Variants in ACAN observed in about 807,000 individuals in gnomAD.
ACAN encodes aggrecan.
A neutral mutation model predicts 169.1 loss-of-function variants in ACAN; 47 were observed. That is an observed-to-expected ratio of 0.28 (90% CI 0.22 to 0.35). The LOEUF is 0.35. ACAN is among the 10% of genes least tolerant of loss of function. ACAN has a pLI of 1.00. For missense variants in ACAN, 2,716 were observed against 2,759.9 expected, an observed-to-expected ratio of 0.98 and a Z score of 0.36; for synonymous variants, 1,115 against 1,112.2, an observed-to-expected ratio of 1.00 and a Z score of -0.05.
chr15:88,836,999 G>C (rs1896520934), intron 2 of ACAN, among the ~76,000 whole-genome samples: 1 of 152,220 alleles, frequency 6.6e-6, no homozygotes, highest in South Asian at 2.1e-4. Flanking sequence ...CAATGTGTCT[G>C]CCCAAATCTG....
At chr15:88,819,257 G>A (rs1896016046) in intron 1 of ACAN, among the ~76,000 whole-genome samples, 1 of 152,194 alleles carries the variant, frequency 6.6e-6, no homozygotes, top group African/African-American at 2.4e-5. Flanking sequence ...GCTCTTCAGT[G>A]ACTGCTCTGG....
At chr15:88,819,461 T>C (rs1896020524) in intron 1 of ACAN, among the ~76,000 whole-genome samples, 1 of 152,070 alleles carries the variant, frequency 6.6e-6, no homozygotes, top group Non-Finnish European at 1.5e-5. Context: ...GAATCCATGA[T>C]TTAAATGAAA....
In ACAN at chr15:88,838,520, G is replaced by A; in HGVS notation, c.71-143G>A. ...TTCTGGGAATTCCCACATGACACGG[G>A]AGCATCCCCATCATAGAGACAGACA... On this transcript the variant is annotated intron_variant, in intron 2 of 18. Transcript: ENST00000560601. This position sits in a 1 kb window ranked among gnomAD's most constrained non-coding sequence, Gnocchi z 5.1. 5.7e-6 allele frequency: 6 copies of A among 1,061,534 alleles called. No homozygotes were observed. Among genetic ancestry groups the A allele is most frequent in the Non-Finnish European group, 8.1e-6 (6 of 736,756 alleles). The allele number at this position is 1,061,534 out of a possible 1,614,324, so 65.8% of individuals were successfully genotyped here.
Position 88,856,973 on chromosome 15 carries a change from C to A in ACAN, c.4388C>A (p.Ala1463Glu). Residue 1463 changes from alanine (A) to glutamate (E), a missense_variant, in exon 12 of 19, where the codon GCG becomes GAG. By Grantham distance (107) the Ala-to-Glu change is moderately radical (BLOSUM62 -1). Around this residue, in one of 3 missense-constraint regions of ACAN, gnomAD observed 1,389 missense variants for 1,363.7 expected, o/e 1.02. Transcript: ENST00000560601. ...GAAGTTCTAGAGACTTCTACCTCTGCGGTAGGGGACCTCAGTGGACTTCCT... is the reference window on the plus strand; with the variant it reads ...GAAGTTCTAGAGACTTCTACCTCTGAGGTAGGGGACCTCAGTGGACTTCCT... Reference protein sequence around the residue: ...SGEVLETSTSAVGDLSGLPSG... With the variant: ...SGEVLETSTSEVGDLSGLPSG... 1 of 1,611,370 alleles carries A rather than the reference C, an allele frequency of 6.2e-7. No homozygotes were observed. Among genetic ancestry groups the A allele is most frequent in the Non-Finnish European group, 8.5e-7 (1 of 1,178,994 alleles).
intron 1 of ACAN, among the ~76,000 whole-genome samples, chr15:88,835,433 G>C (rs1175779051): frequency 6.6e-6 from 1 of 152,088 alleles, no homozygotes; most frequent in Non-Finnish European, 1.5e-5. Context: ...GAGAGACAGA[G>C]AGAGAGAGAA....
intron 11 of ACAN, among the ~76,000 whole-genome samples, chr15:88,853,850 T>TG (rs1394099570): frequency 6.6e-6 from 1 of 151,536 alleles, no homozygotes; most frequent in African/African-American, 2.4e-5. Flanking sequence ...GCTAACTTTT[T>TG]TTTTTTTTTC....
rs1330795271 is a variant in ACAN, at chr15:88,871,970, G to T, written c.7220-33G>T. On this transcript the variant is annotated intron_variant, in intron 15 of 18. Transcript: ENST00000560601. This position sits in a 1 kb window ranked among gnomAD's most constrained non-coding sequence, Gnocchi z 7.8. The stretch of plus-strand genomic sequence containing the variant: ...TTCTCAGACACCCTCAGGGTGTCCA[G>T]TGTGATGCCTGACACCCTCACCCTT... The T allele has an allele frequency of 1.6e-5, 25 of 1,586,588 alleles. No individual in the cohort carries two copies. The highest frequency in any genetic ancestry group is 2.0e-5 in the Non-Finnish European group (23 of 1,154,720).
chr15:88,838,588 A>G lies in ACAN; in HGVS notation c.71-75A>G. The G allele has an allele frequency of 6.7e-7, 1 of 1,494,370 alleles. No individual in the cohort carries two copies. Among genetic ancestry groups the G allele is most frequent in the African/African-American group, 1.4e-5 (1 of 71,518 alleles). 92.6% of individuals were successfully genotyped at this position (1,494,370 alleles called of 1,614,324 possible). ...TCTCTCAGGAGAGTGCATTGCTGGA[A>G]GGATGGATGGGGAGGCGGGGTGGTC... On this transcript the variant is annotated intron_variant, in intron 2 of 18. Coordinates refer to ENST00000560601, the MANE Select transcript of ACAN (RefSeq NM_001369268.1). This position sits in a 1 kb window ranked among gnomAD's most constrained non-coding sequence, Gnocchi z 5.1.
Position 88,868,269 on chromosome 15 carries a change from G to A in ACAN, c.7000G>A (p.Ala2334Thr). The A allele has an allele frequency of 1.4e-6, 1 of 702,822 alleles. No homozygotes were observed. Among genetic ancestry groups the A allele is most frequent in the Non-Finnish European group, 2.6e-6 (1 of 384,842 alleles). The allele number at this position is 702,822 out of a possible 1,614,324, so 43.5% of individuals were successfully genotyped here. A position where few individuals can be genotyped will look rare whatever the true frequency, so the allele number is the denominator to read the frequency against. Residue 2334 changes from alanine to threonine, a missense_variant, in exon 14 of 19, where the codon GCC becomes ACC. This residue lies in a region of ACAN where 1,389 missense variants were observed against 1,363.7 expected (regional missense o/e 1.02). Coordinates refer to ENST00000560601, the MANE Select transcript of ACAN (RefSeq NM_001369268.1). This position sits in a 1 kb window ranked among gnomAD's most constrained non-coding sequence, Gnocchi z 5.2. ...TCTGAATGGAGCCACCTGCGTGGATGCCATCGACTCTTTCACATGCTTATG... is the reference window on the plus strand; with the variant it reads ...TCTGAATGGAGCCACCTGCGTGGATACCATCGACTCTTTCACATGCTTATG... ...PCLNGATCVD[A>T]IDSFTCLCLP...
chr15:88,848,109 C>T, intron 9 of ACAN, 71 bp downstream of exon 9: 2 of 1,575,508 alleles, frequency 1.3e-6, no homozygotes, highest in South Asian at 2.3e-5. Context: ...CAGGGCGATA[C>T]AAAGAAGAGA....
chr15:88,838,686 A>C lies in ACAN; in HGVS notation c.94A>C (p.Ser32Arg). 2 of 1,592,266 alleles carry C rather than the reference A, an allele frequency of 1.3e-6. No individual in the cohort carries two copies. The highest frequency in any genetic ancestry group is 1.7e-6 in the Non-Finnish European group (2 of 1,167,800). ...TSDHDNSLSV[S>R]IPQPSPLRVL... is the part of the protein sequence containing the mutation. ...AGACCATGACAACTCGCTGAGTGTC[A>C]GCATCCCCCAACCGTCCCCGCTGAG... The change falls in exon 3 of 19, where the codon AGC (serine) becomes CGC (arginine). Residue 32 changes from serine (S) to arginine (R), a missense_variant. Ser to Arg is a moderately radical substitution (Grantham distance 110). Around this residue, in one of 3 missense-constraint regions of ACAN, gnomAD observed 1,283 missense variants for 1,281.5 expected, o/e 1.00. Transcript: ENST00000560601. This position sits in a 1 kb window ranked among gnomAD's most constrained non-coding sequence, Gnocchi z 5.1.
At chr15:88,836,328 G>C in intron 2 of ACAN, 52 bp downstream of exon 2, 1 of 1,485,386 alleles carries the variant, frequency 6.7e-7, no homozygotes, top group Non-Finnish European at 9.4e-7. Flanking sequence ...TGAGTAGTGG[G>C]TTTGAGTACT....
intron 4 of ACAN, among the ~76,000 whole-genome samples, chr15:88,840,524 T>C (rs1944087877): frequency 6.6e-6 from 1 of 152,228 alleles, no homozygotes; most frequent in African/African-American, 2.4e-5. Context: ...ACTTCCATCC[T>C]TTTTGTTTTT....
At chr15:88,860,072 C>CTTTTTTTTTTGTTTTTT (rs1897161556) in intron 12 of ACAN, among the ~76,000 whole-genome samples, 1 of 102,900 alleles carries the variant, frequency 9.7e-6, no homozygotes, top group African/African-American at 4.7e-5. Context: ...GCTGATTTTC[C>CTTTTTTTTTTGTTTTTT]TTTTTTTTTT....
intron 1 of ACAN, among the ~76,000 whole-genome samples, chr15:88,829,670 T>C (rs539467583): frequency 5.9e-5 from 9 of 152,270 alleles, no homozygotes; most frequent in African/African-American, 2.2e-4. Context: ...ACTACAGGAA[T>C]GGGGCACCTT....
Position 88,869,266 on chromosome 15 carries a change from T to TA in ACAN, c.7060+937_7060+938insA, listed in dbSNP as rs1472004738. On this transcript the variant is annotated intron_variant, in intron 14 of 18. Coordinates refer to ENST00000560601, the MANE Select transcript of ACAN (RefSeq NM_001369268.1). The surrounding 1 kb of genome is among the most constrained non-coding windows in gnomAD (Gnocchi z 4.2). ...AGTGTGTAGGGGCTTAAAATCCTTT[T>TA]CAATGAACTCTCAAGTTGGATACCC... Among the ~76,000 whole-genome samples the TA allele has an allele frequency of 6.6e-6, 1 of 152,134 alleles. No individual in the cohort carries two copies. The highest frequency in any genetic ancestry group is 3.2e-3 in the Middle Eastern group (1 of 316).
chr15:88,852,196 G>T (rs768664918), intron 11 of ACAN, among the ~76,000 whole-genome samples, 163 bp downstream of exon 11: 19 of 152,200 alleles, frequency 1.2e-4, no homozygotes, highest in Non-Finnish European at 2.5e-4. Context: ...AGCCACCTCA[G>T]CTGGCCTCTA....
Position 88,838,647 on chromosome 15 carries a change from C to T in ACAN, c.71-16C>T, listed in dbSNP as rs1223129316. The T allele has an allele frequency of 3.2e-6, 5 of 1,560,298 alleles. No homozygotes were observed. The highest frequency in any genetic ancestry group is 1.4e-5 in the African/African-American group (1 of 73,972). On this transcript the variant is annotated splice_polypyrimidine_tract_variant and intron_variant, in intron 2 of 18. Transcript: ENST00000560601. The surrounding 1 kb of genome is among the most constrained non-coding windows in gnomAD (Gnocchi z 5.1). ...GCACTAACAGGTCTCTCTTCTACCC[C>T]ACCTCTCCCACACAGACCATGACAA...
chr15:88,818,325 A>T (rs1188599166), intron 1 of ACAN, among the ~76,000 whole-genome samples: 1 of 152,240 alleles, frequency 6.6e-6, no homozygotes, highest in Non-Finnish European at 1.5e-5. Context: ...AAATCTGCAC[A>T]GTTGCTCCCA....
Sources: allele counts gnomAD v4.1 joint callset (sites outside exome capture counted in the v4.1 genomes callset), GRCh38; gene constraint gnomAD v4.1.1; regional missense constraint gnomAD v4.1.1; non-coding constraint Gnocchi (gnomAD v3.1); transcripts MANE v1.5; gene names NCBI Gene and HGNC (gene_info 2026-07-23, HGNC 2026-07-21).